LRMDA: variants seen among roughly 807,000 people sequenced by gnomAD.
LRMDA encodes leucine rich melanocyte differentiation associated.
In LRMDA, 18 loss-of-function variants were observed where a neutral mutation model predicts 29.8. That is an observed-to-expected ratio of 0.60 (90% CI 0.42 to 0.90). The LOEUF (loss-of-function observed/expected upper bound fraction) is 0.90. Among genes scored for constraint, LRMDA ranks in the 40% least tolerant of loss-of-function variants. The probability of loss-of-function intolerance (pLI) is 0.00; values close to 1 mark genes in which losing one functional copy is unlikely to be tolerated. For synonymous variants in LRMDA, 125 were observed against 109.4 expected (o/e 1.14, Z -0.89); for missense variants, 273 against 273.9 (o/e 1.00, Z 0.02).
chr10:76,086,133 CA>C (rs1265311707), intron 5 of LRMDA, among the ~76,000 whole-genome samples: 9 of 152,214 alleles, frequency 5.9e-5, no homozygotes, highest in African/African-American at 9.6e-5. Flanking sequence ...CGCCTTACCC[CA>C]TTCTCAGGAA....
At chr10:76,215,419 C>G (rs1851711492) in intron 5 of LRMDA, among the ~76,000 whole-genome samples, 1 of 152,014 alleles carries the variant, frequency 6.6e-6, no homozygotes, top group South Asian at 2.1e-4. Flanking sequence ...TTCTGAGCTC[C>G]AATAGCCTCA....
chr10:75,851,353 T>C (rs989243447), intron 2 of LRMDA, among the ~76,000 whole-genome samples: 12 of 152,228 alleles, frequency 7.9e-5, no homozygotes, highest in African/African-American at 1.7e-4. Context: ...TTTACTGTTA[T>C]GTTTTTCTAT....
intron 5 of LRMDA, among the ~76,000 whole-genome samples, chr10:76,302,861 A>G (rs1198555440): frequency 6.6e-6 from 1 of 152,180 alleles, no homozygotes; most frequent in African/African-American, 2.4e-5. Flanking sequence ...TACCTTTATA[A>G]AAATATAGAC....
chr10:76,490,403 G>GTC (rs375255459), intron 6 of LRMDA, among the ~76,000 whole-genome samples: 2,946 of 149,246 alleles, frequency 0.02, 30 homozygotes, highest in Non-Finnish European at 0.028. Context: ...TTGTATTAGG[G>GTC]TCTCTCTCTC....
At chr10:76,149,780 A>G (rs1589351470) in intron 5 of LRMDA, among the ~76,000 whole-genome samples, 1 of 152,284 alleles carries the variant, frequency 6.6e-6, no homozygotes, top group African/African-American at 2.4e-5. Context: ...TTCCATTAAA[A>G]TGCAAATGTC....
chr10:75,753,537 G>T (rs1842991753), intron 2 of LRMDA, among the ~76,000 whole-genome samples: 1 of 152,076 alleles, frequency 6.6e-6, no homozygotes, highest in Non-Finnish European at 1.5e-5. Context: ...ATGTGCAAAG[G>T]CCCCAGGCAA....
intron 2 of LRMDA, among the ~76,000 whole-genome samples, chr10:75,946,796 C>T (rs1421627309): frequency 1.3e-5 from 2 of 152,196 alleles, no homozygotes; most frequent in Non-Finnish European, 2.9e-5. Flanking sequence ...AGACTCCTCT[C>T]GTGTTCTCGG....
intron 5 of LRMDA, among the ~76,000 whole-genome samples, chr10:76,084,703 A>G (rs896648606): frequency 3.9e-5 from 6 of 152,324 alleles, no homozygotes; most frequent in African/African-American, 1.4e-4. Context: ...GGCACTTAGT[A>G]GTAGGTTAGT....
At chr10:75,904,046 CT>C (rs1260452376) in intron 2 of LRMDA, among the ~76,000 whole-genome samples, 26 of 152,298 alleles carry the variant, frequency 1.7e-4, no homozygotes, top group Middle Eastern at 3.4e-3. Context: ...CGTATTGAAC[CT>C]TGGAATGACG....
At chr10:76,008,928 A>AT (rs1281937654) in intron 2 of LRMDA, among the ~76,000 whole-genome samples, 1 of 152,134 alleles carries the variant, frequency 6.6e-6, no homozygotes, top group Non-Finnish European at 1.5e-5. Flanking sequence ...CAATCCCCTT[A>AT]TTTTTTTGCA....
chr10:76,436,140 C>T (rs17380780), intron 6 of LRMDA, among the ~76,000 whole-genome samples: 39,372 of 152,058 alleles, frequency 0.26, 6,164 homozygotes, highest in Non-Finnish European at 0.36. Flanking sequence ...GGCCTTGGAA[C>T]CATGTCTCTG....
chr10:76,163,266 T>C (rs1157944186), intron 5 of LRMDA, among the ~76,000 whole-genome samples: 1 of 152,208 alleles, frequency 6.6e-6, no homozygotes, highest in Non-Finnish European at 1.5e-5. Flanking sequence ...AAATGACCTG[T>C]TTCCTTTCTG....
At chr10:76,079,207 C>G (rs1849011812) in intron 5 of LRMDA, among the ~76,000 whole-genome samples, 1 of 152,102 alleles carries the variant, frequency 6.6e-6, no homozygotes, top group South Asian at 2.1e-4. Context: ...ATAATTTGAC[C>G]TTTGTGCCTT....
At chr10:76,076,504 C>T (rs1848961889) in intron 5 of LRMDA, among the ~76,000 whole-genome samples, 1 of 151,974 alleles carries the variant, frequency 6.6e-6, no homozygotes, top group Non-Finnish European at 1.5e-5. Flanking sequence ...CATTGTCACG[C>T]ACGTGATCTC....
At chr10:75,862,804 G>A (rs796266613) in intron 2 of LRMDA, among the ~76,000 whole-genome samples, 11 of 152,296 alleles carry the variant, frequency 7.2e-5, no homozygotes, top group African/African-American at 2.6e-4. Context: ...CCCTCAGGAT[G>A]TTTTTCTGTT....
At chr10:76,306,513 T>A (rs1840558215) in intron 5 of LRMDA, among the ~76,000 whole-genome samples, 1 of 152,128 alleles carries the variant, frequency 6.6e-6, no homozygotes, top group Admixed American at 6.6e-5. Flanking sequence ...GGGGCATGGA[T>A]CTTCAGGGGC....
At position 76,363,793 on chromosome 10, in the gene LRMDA, C is replaced by G. The variant is rs140418761; in HGVS notation, c.601+39308C>G. Among the ~76,000 whole-genome samples the G allele has an allele frequency of 3.9e-5, 6 of 152,058 alleles. No individual in the cohort carries two copies. The East Asian group carries it at 1.2e-3, about 29-fold the overall frequency. The stretch of plus-strand genomic sequence containing the variant: ...TTTGGGTTAAGTCAAACAAAATGAC[C>G]GTAACTACGTTGTTTTGAGCTTACA... On this transcript the variant is annotated intron_variant, in intron 6 of 6. Coordinates refer to ENST00000611255, the MANE Select transcript of LRMDA (RefSeq NM_001305581.2).
chr10:76,138,200 T>C (rs578037969), intron 5 of LRMDA, among the ~76,000 whole-genome samples: 94 of 152,144 alleles, frequency 6.2e-4, no homozygotes, highest in African/African-American at 2.2e-3. Flanking sequence ...CTGCAGCAAC[T>C]TTTTCCCCCC....
At chr10:75,877,146 A>G (rs901645310) in intron 2 of LRMDA, among the ~76,000 whole-genome samples, 3 of 152,166 alleles carry the variant, frequency 2.0e-5, no homozygotes, top group Non-Finnish European at 4.4e-5. Context: ...TCTCCAGTTC[A>G]TATTCTTCAC....
Sources: gnomAD v4.1 joint callset for allele counts (sites outside exome capture counted in the v4.1 genomes callset) on GRCh38, gnomAD v4.1.1 for gene constraint, MANE v1.5 for transcripts, NCBI Gene and HGNC (gene_info 2026-07-23, HGNC 2026-07-21) for gene names.